SOX6: variants seen among roughly 807,000 people sequenced by gnomAD.
SOX6 encodes SRY-box transcription factor 6.
Under a neutral mutation model 97.8 loss-of-function variants are expected in SOX6, and 11 were observed. That is an observed-to-expected ratio of 0.11 (90% CI 0.07 to 0.19). The LOEUF is 0.19. Ranked by LOEUF, SOX6 falls within the 10% of genes least tolerant of loss-of-function variation. SOX6 has a pLI of 1.00. For synonymous variants in SOX6, 360 were observed against 371.4 expected (o/e 0.97, Z 0.35); for missense variants, 810 against 1,039.5 (o/e 0.78, Z 3.04).
At chr11:16,108,291 G>A (rs1564958845) in intron 7 of SOX6, among the ~76,000 whole-genome samples, 1 of 152,016 alleles carries the variant, frequency 6.6e-6, no homozygotes, top group African/African-American at 2.4e-5. Flanking sequence ...GACCTTCTAG[G>A]AAACTTCAAG....
chr11:16,058,494 A>G (rs1847871930), intron 9 of SOX6, among the ~76,000 whole-genome samples: 1 of 152,118 alleles, frequency 6.6e-6, no homozygotes, highest in Non-Finnish European at 1.5e-5. Flanking sequence ...AGTATGGGGT[A>G]GACTTATTGA....
At chr11:16,506,396 A>G (rs1173978338) in intron 4 of SOX6, among the ~76,000 whole-genome samples, 1 of 152,168 alleles carries the variant, frequency 6.6e-6, no homozygotes, top group Non-Finnish European at 1.5e-5. Context: ...TATTTCCCCA[A>G]TGCCTATACC....
chr11:16,094,942 T>C (rs752875633), intron 9 of SOX6, among the ~76,000 whole-genome samples: 2 of 151,772 alleles, frequency 1.3e-5, no homozygotes, highest in Non-Finnish European at 2.9e-5. Flanking sequence ...TCATTCCCTA[T>C]CATTTTCCAA....
intron 4 of SOX6, among the ~76,000 whole-genome samples, chr11:16,511,503 GTTTTGT>G (rs910802698): frequency 5.3e-5 from 8 of 152,008 alleles, no homozygotes; most frequent in African/African-American, 1.4e-4. Flanking sequence ...GGCTTTACCT[GTTTTGT>G]TTTTGTTTTT....
rs759518281 is a variant in SOX6 at position 16,055,753 on chromosome 11, T to C, written c.1250A>G (p.Lys417Arg). The C allele has an allele frequency of 5.0e-6, 8 of 1,613,514 alleles. No homozygotes were observed. The Admixed American group carries it at 1.2e-4, about 24-fold the overall frequency. ...KRGTSPVTQV[K>R]DEAAAQPLNL... ...CACAATGCTGCAAGGCGAGTGTACC[T>C]TAACTTGAGTTACAGGGCTGGTCCC... The change falls in exon 10 of 16, where the codon AAG becomes AGG. Residue 417 changes from lysine (K) to arginine (R), a missense_variant and splice_region_variant. Physicochemically the swap from Lys to Arg is conservative, Grantham distance 26. Transcript: ENST00000683767.
chr11:16,559,818 C>T (rs911828727), intron 4 of SOX6, among the ~76,000 whole-genome samples: 3 of 152,130 alleles, frequency 2.0e-5, no homozygotes, highest in Admixed American at 1.3e-4. Context: ...TTATTTGTTG[C>T]TATTCCTCAG....
At chr11:16,569,548 A>G (rs1016280521) in intron 4 of SOX6, among the ~76,000 whole-genome samples, 2 of 152,168 alleles carry the variant, frequency 1.3e-5, no homozygotes, top group African/African-American at 4.8e-5. Context: ...CTTTAACTGA[A>G]TAGTTTCACC....
intron 6 of SOX6, among the ~76,000 whole-genome samples, chr11:16,139,507 C>T (rs548843987): frequency 6.6e-6 from 1 of 152,082 alleles, no homozygotes; most frequent in Non-Finnish European, 1.5e-5. Context: ...ATTTTTGATG[C>T]CTAAATTGCA....
At chr11:16,553,346 T>C (rs1483071120) in intron 4 of SOX6, among the ~76,000 whole-genome samples, 1 of 152,192 alleles carries the variant, frequency 6.6e-6, no homozygotes, top group Admixed American at 6.5e-5. Context: ...TATATCCACT[T>C]TCAATTATAT....
At chr11:16,540,531 G>A (rs1861389642) in intron 4 of SOX6, among the ~76,000 whole-genome samples, 1 of 152,126 alleles carries the variant, frequency 6.6e-6, no homozygotes, top group African/African-American at 2.4e-5. Context: ...AAGTCAAATT[G>A]TCTCCGTTTG....
intron 1 of SOX6, among the ~76,000 whole-genome samples, chr11:16,406,942 C>T (rs1320114006): frequency 6.6e-6 from 1 of 152,090 alleles, no homozygotes; most frequent in African/African-American, 2.4e-5. Flanking sequence ...CACCTTATCT[C>T]CATTGACTTC....
chr11:16,084,075 T>C (rs1216718620), intron 9 of SOX6, among the ~76,000 whole-genome samples: 3 of 152,182 alleles, frequency 2.0e-5, no homozygotes, highest in African/African-American at 7.2e-5. Context: ...TGTCACTTCT[T>C]GCTAAAGAGC....
At chr11:16,494,270 G>A (rs1475957610) in intron 4 of SOX6, among the ~76,000 whole-genome samples, 1 of 152,140 alleles carries the variant, frequency 6.6e-6, no homozygotes, top group East Asian at 1.9e-4. Flanking sequence ...CAGCTACTCA[G>A]GAGGCTGAGG....
At chr11:16,019,661 G>A (rs924289823) in intron 12 of SOX6, among the ~76,000 whole-genome samples, 13 of 152,004 alleles carry the variant, frequency 8.6e-5, no homozygotes, top group African/African-American at 3.1e-4. Context: ...TCTACATGGG[G>A]ATTCTGGTAT....
chr11:16,502,754 T>A (rs1813552801), intron 4 of SOX6, among the ~76,000 whole-genome samples: 1 of 152,182 alleles, frequency 6.6e-6, no homozygotes, highest in Admixed American at 6.5e-5. Flanking sequence ...AAATTTTCAG[T>A]GTCTCAGAAG....
At chr11:16,641,866 C>T (rs1385288992) in intron 3 of SOX6, among the ~76,000 whole-genome samples, 1 of 152,164 alleles carries the variant, frequency 6.6e-6, no homozygotes, top group Non-Finnish European at 1.5e-5. Flanking sequence ...ATCCAATTTG[C>T]CAGTCTGTGT....
intron 4 of SOX6, among the ~76,000 whole-genome samples, chr11:16,525,959 GC>G (rs1861156263): frequency 6.6e-6 from 1 of 152,186 alleles, no homozygotes; most frequent in African/African-American, 2.4e-5. Flanking sequence ...AGTTAGAGTG[GC>G]GATCATTAAA....
At chr11:16,104,649 T>C (rs906865460) in intron 7 of SOX6, among the ~76,000 whole-genome samples, 5 of 149,724 alleles carry the variant, frequency 3.3e-5, no homozygotes, top group African/African-American at 7.3e-5. Flanking sequence ...ATTACACACA[T>C]ACACACACAC....
chr11:16,594,161 T>C (rs1373820514), intron 4 of SOX6, among the ~76,000 whole-genome samples: 2 of 152,030 alleles, frequency 1.3e-5, no homozygotes, highest in Non-Finnish European at 2.9e-5. Flanking sequence ...AGAATATGAG[T>C]CTCTAAGTTC....
Sources: gnomAD v4.1 joint callset for allele counts (sites outside exome capture counted in the v4.1 genomes callset) on GRCh38, gnomAD v4.1.1 for gene constraint, MANE v1.5 for transcripts, NCBI Gene and HGNC (gene_info 2026-07-23, HGNC 2026-07-21) for gene names.